The following PCMTD1 variants were observed in gnomAD, a reference collection of about 807,000 sequenced individuals.
PCMTD1 encodes protein-L-isoaspartate O-methyltransferase domain-containing protein 1.
A neutral mutation model predicts 37.6 loss-of-function variants in PCMTD1; 12 were observed. The observed-to-expected ratio is 0.32, with a 90% CI of 0.20 to 0.52. The LOEUF is 0.52. PCMTD1 is among the 20% of genes least tolerant of loss of function. The pLI, the probability that PCMTD1 is intolerant of heterozygous loss-of-function variation, is 0.97. For missense variants in PCMTD1, 235 were observed against 421.3 expected, an observed-to-expected ratio of 0.56 and a Z score of 3.87; for synonymous variants, 117 against 135.8, an observed-to-expected ratio of 0.86 and a Z score of 0.96.
chr8:51,861,142 C>T lies in PCMTD1; in HGVS notation c.10G>A (p.Ala4Thr). 1 of 1,612,812 alleles carries T rather than the reference C, an allele frequency of 6.2e-7. No individual in the cohort carries two copies. Among genetic ancestry groups the T allele is most frequent in the East Asian group, 2.2e-5 (1 of 44,846 alleles). The change falls in exon 2 of 6, where the codon GCT becomes ACT. Residue 4 changes from alanine (A) to threonine (T), a missense_variant. By Grantham distance (58) the Ala-to-Thr change is moderately conservative (BLOSUM62 0). Coordinates refer to ENST00000522514, the MANE Select transcript of PCMTD1 (RefSeq NM_052937.4). Reference sequence around the variant, plus strand: ...TCATTATCTTCCCCAGCACTCACAGCTCCTCCCATGATAGTATTCAAATCA... The same window carrying T: ...TCATTATCTTCCCCAGCACTCACAGTTCCTCCCATGATAGTATTCAAATCA... MGGAVSAGEDNDDL... is the reference protein window; with the variant it reads MGGTVSAGEDNDDL...
intron 1 of PCMTD1, among the ~76,000 whole-genome samples, chr8:51,873,897 C>CT (rs923915180): frequency 2.0e-4 from 29 of 148,452 alleles, no homozygotes; most frequent in Non-Finnish European, 3.7e-4. Context: ...TCAGGTATTT[C>CT]TTTTTTTTTT....
intron 1 of PCMTD1, among the ~76,000 whole-genome samples, chr8:51,891,885 T>G (rs1383452332): frequency 6.6e-6 from 1 of 151,998 alleles, no homozygotes; most frequent in African/African-American, 2.4e-5. Flanking sequence ...CACCTTCTTC[T>G]CTTGTTAAAG....
At chr8:51,898,782 C>T (rs1467197) in intron 1 of PCMTD1, 148 bp downstream of exon 1, 439,909 of 716,188 alleles carry the variant, frequency 0.61, 145,057 homozygotes, top group Non-Finnish European at 0.67. Flanking sequence ...CCCCGACCTG[C>T]CCGCCCTTAA....
At chr8:51,831,919 G>T (rs2038003739) in intron 4 of PCMTD1, among the ~76,000 whole-genome samples, 1 of 152,128 alleles carries the variant, frequency 6.6e-6, no homozygotes, top group Non-Finnish European at 1.5e-5. Context: ...ATTTGGTTAA[G>T]GCATTATAGT....
chr8:51,833,461 C>A (rs1412604684), intron 4 of PCMTD1, 57 bp downstream of exon 4: 19 of 1,426,440 alleles, frequency 1.3e-5, no homozygotes, highest in South Asian at 4.0e-5. Flanking sequence ...AATTTCTTAA[C>A]CTTAAACAAA....
At chr8:51,862,796 G>A (rs16916903) in intron 1 of PCMTD1, among the ~76,000 whole-genome samples, 21,046 of 152,086 alleles carry the variant, frequency 0.14, 2,648 homozygotes, top group African/African-American at 0.32. Flanking sequence ...TGGAGTAGAG[G>A]ACATACTGTG....
chr8:51,876,810 T>A (rs1171671043), intron 1 of PCMTD1, among the ~76,000 whole-genome samples: 1 of 152,042 alleles, frequency 6.6e-6, no homozygotes, highest in Non-Finnish European at 1.5e-5. Context: ...AATGAACAAA[T>A]AAGTTGGGGG....
At chr8:51,856,504 A>AT (rs1375926150) in intron 2 of PCMTD1, among the ~76,000 whole-genome samples, 2 of 152,222 alleles carry the variant, frequency 1.3e-5, no homozygotes, top group East Asian at 3.8e-4. Context: ...ACTCTTTAAG[A>AT]ATCTACCTAA....
At chr8:51,865,812 G>C (rs1011812505) in intron 1 of PCMTD1, among the ~76,000 whole-genome samples, 2 of 151,128 alleles carry the variant, frequency 1.3e-5, no homozygotes, top group African/African-American at 4.9e-5. Flanking sequence ...AATGCTAGCT[G>C]GAACAATTAA....
In PCMTD1 at chr8:51,826,861, A is replaced by T. The variant is rs540364397; in HGVS notation, c.706+4583T>A. The stretch of plus-strand genomic sequence containing the variant: ...CTTCTCCTCAACCCCAAACAAAAAA[A>T]CCACAGAAAGAAATAGGATTTTTAA... On this transcript the variant is annotated intron_variant, in intron 5 of 5. Coordinates refer to ENST00000522514, the MANE Select transcript of PCMTD1 (RefSeq NM_052937.4). The T allele has an allele frequency of 6.0e-6, 5 of 837,700 alleles. No individual in the cohort carries two copies. In the East Asian group the frequency reaches 4.9e-4, roughly 83 times the overall value. The allele number at this position is 837,700 out of a possible 1,614,324, so 51.9% of individuals were successfully genotyped here. A position where few individuals can be genotyped will look rare whatever the true frequency, so the allele number is the denominator to read the frequency against.
intron 5 of PCMTD1, among the ~76,000 whole-genome samples, chr8:51,827,933 G>A (rs2037944595): frequency 6.6e-6 from 1 of 152,052 alleles, no homozygotes; most frequent in South Asian, 2.1e-4. Context: ...TCAGATTTGT[G>A]TTGAAATTCT....
chr8:51,853,098 C>G (rs1391864591), intron 2 of PCMTD1, among the ~76,000 whole-genome samples: 1 of 152,180 alleles, frequency 6.6e-6, no homozygotes, highest in African/African-American at 2.4e-5. Context: ...AAGATTCACC[C>G]TTCACTACAG....
intron 2 of PCMTD1, among the ~76,000 whole-genome samples, chr8:51,852,331 A>G (rs1373311150): frequency 1.3e-5 from 2 of 152,242 alleles, no homozygotes; most frequent in Non-Finnish European, 2.9e-5. Flanking sequence ...TCCACAAAGC[A>G]TAAAAATATT....
At chr8:51,887,784 C>G (rs2038885519) in intron 1 of PCMTD1, among the ~76,000 whole-genome samples, 1 of 149,992 alleles carries the variant, frequency 6.7e-6, no homozygotes, top group South Asian at 2.1e-4. Flanking sequence ...GCTCTGTCAC[C>G]AGGCTGGAGT....
In PCMTD1 at chr8:51,818,067, A is replaced by G. The variant is rs557221419; in HGVS notation, c.*2284T>C. Reference sequence around the variant, plus strand: ...TTCCACCTATAAAGCGTAATTTTCCATATCAAGTAAACATAAATTCATTAA... The same window carrying G: ...TTCCACCTATAAAGCGTAATTTTCCGTATCAAGTAAACATAAATTCATTAA... On this transcript the variant is annotated 3_prime_UTR_variant, in exon 6 of 6. Coordinates refer to ENST00000522514, the MANE Select transcript of PCMTD1 (RefSeq NM_052937.4). 40 of 395,924 alleles carry G rather than the reference A, an allele frequency of 1.0e-4. No individual in the cohort carries two copies. The Middle Eastern group carries it at 1.1e-3, about 11-fold the overall frequency. 24.5% of individuals were successfully genotyped at this position (395,924 alleles called of 1,614,324 possible).
At chr8:51,872,368 G>A (rs1295583461) in intron 1 of PCMTD1, among the ~76,000 whole-genome samples, 1 of 152,070 alleles carries the variant, frequency 6.6e-6, no homozygotes, top group Non-Finnish European at 1.5e-5. Flanking sequence ...CAGATTTAAG[G>A]ATTACTGCTT....
intron 5 of PCMTD1, among the ~76,000 whole-genome samples, chr8:51,826,576 C>T (rs1352915630): frequency 1.3e-5 from 2 of 152,170 alleles, no homozygotes; most frequent in Non-Finnish European, 2.9e-5. Flanking sequence ...CTCTAACACA[C>T]ACATTAGGCT....
intron 3 of PCMTD1, among the ~76,000 whole-genome samples, chr8:51,837,507 AAAACTGT>A (rs1440357802): frequency 6.6e-6 from 1 of 152,198 alleles, no homozygotes; most frequent in Admixed American, 6.5e-5. Context: ...CACTACAAAG[AAAACTGT>A]AACACTACCA....
At chr8:51,858,057 C>T (rs1364009804) in intron 2 of PCMTD1, among the ~76,000 whole-genome samples, 3 of 152,134 alleles carry the variant, frequency 2.0e-5, no homozygotes, top group African/African-American at 4.8e-5. Context: ...TCACTGAATT[C>T]GTGTTTCTGG....
Sources: allele counts gnomAD v4.1 joint callset (sites outside exome capture counted in the v4.1 genomes callset), GRCh38; gene constraint gnomAD v4.1.1; transcripts MANE v1.5; gene names NCBI Gene and HGNC (gene_info 2026-07-23, HGNC 2026-07-21).